KYNU: variants seen among roughly 807,000 people sequenced by gnomAD.
KYNU encodes L-kynurenine hydrolase.
KYNU carries 54 observed loss-of-function variants against 59.2 expected under a neutral mutation model. That is an observed-to-expected ratio of 0.91 (90% CI 0.73 to 1.14). The LOEUF is 1.14. KYNU is among the 50% of genes most tolerant of loss of function. The pLI is 0.00. For missense variants in KYNU, 567 were observed against 554.4 expected (o/e 1.02, Z -0.23); for synonymous variants, 177 against 192.0 (o/e 0.92, Z 0.65).
At chr2:142,978,429 C>G (rs192913309) in intron 8 of KYNU, among the ~76,000 whole-genome samples, 41 of 152,232 alleles carry the variant, frequency 2.7e-4, no homozygotes, top group African/African-American at 9.4e-4. Context: ...GGTATAGAAG[C>G]TGCATTTCCC....
In KYNU at chr2:143,048,441, G is replaced by C. The variant is rs941079570; in HGVS notation, c.*6269G>C. ...ATTGCTATTCATTATAGCATTTTTA[G>C]TCTAGCTTCCTCCCTCCTCTTTCTC... On this transcript the variant is annotated 3_prime_UTR_variant, in exon 14 of 14. Transcript: ENST00000264170. 1 of 151,762 alleles carries C rather than the reference G, an allele frequency of 6.6e-6. No homozygotes were observed. Among genetic ancestry groups the C allele is most frequent in the African/African-American group, 2.4e-5 (1 of 41,298 alleles). 9.4% of individuals were successfully genotyped at this position (151,762 alleles called of 1,614,324 possible).
At chr2:142,904,855 C>T (rs902750981) in intron 2 of KYNU, among the ~76,000 whole-genome samples, 2 of 152,158 alleles carry the variant, frequency 1.3e-5, no homozygotes, top group Admixed American at 6.5e-5. Flanking sequence ...TCCTGCACCC[C>T]TTTTCCCGCC....
At chr2:142,963,563 C>T (rs1328041594) in intron 8 of KYNU, among the ~76,000 whole-genome samples, 1 of 152,158 alleles carries the variant, frequency 6.6e-6, no homozygotes, top group African/African-American at 2.4e-5. Flanking sequence ...AAATTCCATT[C>T]ATGAGGAATC....
chr2:142,896,715 G>A (rs1681892030), intron 2 of KYNU, among the ~76,000 whole-genome samples: 2 of 152,064 alleles, frequency 1.3e-5, no homozygotes, highest in African/African-American at 4.8e-5. Context: ...TTGAACTCCT[G>A]ACTTTAAGAT....
intron 10 of KYNU, among the ~76,000 whole-genome samples, chr2:143,028,989 G>T (rs867245934): frequency 7.2e-5 from 11 of 151,984 alleles, no homozygotes; most frequent in African/African-American, 2.4e-4. Flanking sequence ...TGAAAATATT[G>T]TATTAATTGT....
chr2:142,940,972 T>C lies in KYNU; in HGVS notation c.373+13231T>C, dbSNP rs142861214. Among the ~76,000 whole-genome samples the C allele has an allele frequency of 3.3e-5, 5 of 152,336 alleles. No homozygotes were observed. In the East Asian group the frequency reaches 9.6e-4, roughly 29 times the overall value. On this transcript the variant is annotated intron_variant, in intron 4 of 13. Transcript: ENST00000264170. ...GGAAGAGATGCATAGGGCATGGAAA[T>C]GAGGGAGCTTCCATGCCTTCTCTGA...
intron 10 of KYNU, chr2:142,988,757 G>A: frequency 1.1e-6 from 1 of 912,360 alleles, no homozygotes; most frequent in Non-Finnish European, 1.8e-6. Context: ...TTTAAGTGAT[G>A]TCAGTGACTG....
intron 7 of KYNU, chr2:142,958,043 TG>T: frequency 3.6e-6 from 1 of 276,456 alleles, no homozygotes; most frequent in Admixed American, 5.1e-5. Flanking sequence ...GTCATGCCCA[TG>T]GGTGCCATTA....
At chr2:142,960,497 A>T in intron 7 of KYNU, 127 bp from the exon 8 acceptor site, 2 of 685,954 alleles carry the variant, frequency 2.9e-6, no homozygotes, top group Non-Finnish European at 4.6e-6. Context: ...ATTTTTAAAG[A>T]ACCTTAATCT....
intron 3 of KYNU, among the ~76,000 whole-genome samples, chr2:142,923,022 C>G (rs1429993226): frequency 6.6e-6 from 1 of 152,176 alleles, no homozygotes; most frequent in East Asian, 1.9e-4. Flanking sequence ...AGGCAAACAC[C>G]TGCCTCCCAC....
chr2:143,045,493 CCT>C lies in KYNU; in HGVS notation c.*3326_*3327del. 6.6e-6 allele frequency: 1 copy of C among 152,146 alleles called. No individual in the cohort carries two copies. The highest frequency in any genetic ancestry group is 2.1e-4 in the South Asian group (1 of 4,816). The allele number at this position is 152,146 out of a possible 1,614,324, so 9.4% of individuals were successfully genotyped here. Reference sequence around the variant, plus strand: ...GGAATGTTTTTCCATTTGTTTGTGTCCTCTCTGGTATCCTTGAGCAGTGGTTT... The same window carrying C: ...GGAATGTTTTTCCATTTGTTTGTGTCCTCTGGTATCCTTGAGCAGTGGTTT... On this transcript the variant is annotated 3_prime_UTR_variant, in exon 14 of 14. Coordinates refer to ENST00000264170, the MANE Select transcript of KYNU (RefSeq NM_003937.3).
At chr2:142,955,030 G>T (rs955409168) in intron 5 of KYNU, among the ~76,000 whole-genome samples, 159 bp downstream of exon 5, 1 of 151,944 alleles carries the variant, frequency 6.6e-6, no homozygotes, top group African/African-American at 2.4e-5. Flanking sequence ...TGATATAATA[G>T]CTTCTTCCTA....
Position 143,053,428 on chromosome 2 carries a change from T to C in KYNU, c.*11256T>C, listed in dbSNP as rs1687301063. On this transcript the variant is annotated 3_prime_UTR_variant, in exon 14 of 14. Coordinates refer to ENST00000264170, the MANE Select transcript of KYNU (RefSeq NM_003937.3). ...ACTTTGGGTGACTGTTGCGAAGACA[T>C]GATTGGTTTTGAAATGTGAGAACAT... 1 of 152,216 alleles carries C rather than the reference T, an allele frequency of 6.6e-6. No homozygotes were observed. 9.4% of individuals were successfully genotyped at this position (152,216 alleles called of 1,614,324 possible).
At chr2:142,905,721 G>T (rs191132404) in intron 2 of KYNU, among the ~76,000 whole-genome samples, 8 of 152,332 alleles carry the variant, frequency 5.3e-5, no homozygotes, top group African/African-American at 1.9e-4. Context: ...TGTTAGCAAA[G>T]CAGTTACCGC....
rs1687338207 is a variant in KYNU at position 143,055,552 on chromosome 2, C to T, written c.*13380C>T. 1 of 151,970 alleles carries T rather than the reference C, an allele frequency of 6.6e-6. No homozygotes were observed. Among genetic ancestry groups the T allele is most frequent in the South Asian group, 2.1e-4 (1 of 4,826 alleles). 9.4% of individuals were successfully genotyped at this position (151,970 alleles called of 1,614,324 possible). On this transcript the variant is annotated 3_prime_UTR_variant, in exon 14 of 14. Transcript: ENST00000264170. The stretch of plus-strand genomic sequence containing the variant: ...AATTCCATCTACAATCACAATTCCT[C>T]TTTGCCATATAATGTAAAATATTCA...
At chr2:143,035,924 C>T (rs544915406) in intron 12 of KYNU, among the ~76,000 whole-genome samples, 15 of 152,258 alleles carry the variant, frequency 9.9e-5, no homozygotes, top group Admixed American at 5.9e-4. Context: ...AAGAGTGCAC[C>T]ACCATGCCCG....
At chr2:142,910,929 G>C (rs1484869392) in intron 2 of KYNU, among the ~76,000 whole-genome samples, 3 of 152,094 alleles carry the variant, frequency 2.0e-5, no homozygotes, top group Admixed American at 2.0e-4. Context: ...ATTGGTCTAT[G>C]TATATGTTTT....
intron 2 of KYNU, among the ~76,000 whole-genome samples, chr2:142,903,082 C>A (rs1053843926): frequency 6.6e-6 from 1 of 152,122 alleles, no homozygotes; most frequent in African/African-American, 2.4e-5. Flanking sequence ...CTTGTACTAA[C>A]CTCCACTGTC....
At position 142,927,832 on chromosome 2, in the gene KYNU, T is replaced by G. The variant is rs1683093250; in HGVS notation, c.373+91T>G. 6 of 886,238 alleles carry G rather than the reference T, an allele frequency of 6.8e-6. No individual in the cohort carries two copies. In the South Asian group the frequency reaches 8.2e-5, roughly 12 times the overall value. The allele number at this position is 886,238 out of a possible 1,614,324, so 54.9% of individuals were successfully genotyped here. ...CAGGCTCATAAAGTCAAAATCTTAT[T>G]GAAGAACATAGTGATTTTCTATTTT... On this transcript the variant is annotated intron_variant, in intron 4 of 13. Transcript: ENST00000264170.
Sources: gnomAD v4.1 joint callset for allele counts (sites outside exome capture counted in the v4.1 genomes callset) on GRCh38, gnomAD v4.1.1 for gene constraint, MANE v1.5 for transcripts, NCBI Gene and HGNC (gene_info 2026-07-23, HGNC 2026-07-21) for gene names.